The following CHD2 variants were observed in gnomAD, a reference collection of about 807,000 sequenced individuals.
The protein encoded by CHD2 is ATP-dependent chromatin remodeler CHD2.
Under a neutral mutation model 243.9 loss-of-function variants are expected in CHD2, and 28 were observed. The ratio of observed to expected loss-of-function variants is 0.11; its 90% CI spans 0.09 to 0.16. The LOEUF (loss-of-function observed/expected upper bound fraction) is 0.16, where lower values mean the gene tolerates loss of function less well. Among genes scored for constraint, CHD2 ranks in the 10% least tolerant of loss-of-function variants. CHD2 has a pLI of 1.00. For synonymous variants in CHD2, 775 were observed against 779.0 expected (o/e 0.99, Z 0.09); for missense variants, 1,386 against 2,209.8 (o/e 0.63, Z 7.47).
chr15:92,931,701 A>G (rs531762893), intron 5 of CHD2, among the ~76,000 whole-genome samples: 3 of 152,168 alleles, frequency 2.0e-5, no homozygotes, highest in Admixed American at 6.5e-5. Flanking sequence ...ATATACAAAC[A>G]TAATGTTTTT....
intron 7 of CHD2, among the ~76,000 whole-genome samples, chr15:92,941,008 AT>A (rs72276944): frequency 7.0e-4 from 92 of 130,618 alleles, no homozygotes; most frequent in Admixed American, 1.1e-3. Context: ...TATATATATA[AT>A]TTTTTTTTTT....
intron 5 of CHD2, among the ~76,000 whole-genome samples, chr15:92,933,519 C>CT (rs1020129619): frequency 8.5e-5 from 13 of 152,126 alleles, no homozygotes; most frequent in South Asian, 4.1e-4. Context: ...TGATTAAACT[C>CT]TTTTTTTCAT....
intron 33 of CHD2, 24 bp downstream of exon 33, chr15:93,002,341 C>T: frequency 6.3e-7 from 1 of 1,581,894 alleles, no homozygotes; most frequent in Non-Finnish European, 8.5e-7. Context: ...TCTGTTCATG[C>T]AGATATCCAC....
intron 16 of CHD2, among the ~76,000 whole-genome samples, chr15:92,966,960 C>G (rs901013174): frequency 6.6e-6 from 1 of 151,368 alleles, no homozygotes; most frequent in African/African-American, 2.4e-5. Context: ...ATGACGGTGA[C>G]TTTCTTGAGG....
At position 92,972,712 on chromosome 15, in the gene CHD2, G is replaced by A. The variant is rs555014496; in HGVS notation, c.2505+295G>A. On this transcript the variant is annotated intron_variant, in intron 19 of 38. Coordinates refer to ENST00000394196, the MANE Select transcript of CHD2 (RefSeq NM_001271.4). ...TAAAAATACAAAAAATTAGCCGGGC[G>A]TAGTGGCGGGCGCCTGTAGTCCCAG... 1.6e-3 allele frequency among the ~76,000 whole-genome samples: 78 copies of A among 49,414 alleles called. 32 individuals are homozygous for A. The highest frequency in any genetic ancestry group is 8.7e-3 in the South Asian group (5 of 574). 32.4% of individuals were successfully genotyped at this position (49,414 alleles called of 152,430 possible).
chr15:93,014,965 A>G, intron 37 of CHD2, 56 bp downstream of exon 37: 5 of 1,431,356 alleles, frequency 3.5e-6, no homozygotes, highest in Non-Finnish European at 4.9e-6. Context: ...AAATTCACAC[A>G]GCCGTTTCAT....
Position 92,935,932 on chromosome 15 carries a change from A to AT in CHD2, c.444-1573dup, listed in dbSNP as rs879463429. ...AGACTAATTGCGCATTCTTTCATTG[A>AT]TTTTTTTTTTTTTAACCTAACAAAG... On this transcript the variant is annotated intron_variant, in intron 5 of 38. Transcript: ENST00000394196. Among the ~76,000 whole-genome samples the AT allele has an allele frequency of 4.5e-3, 654 of 145,804 alleles. 2 individuals are homozygous for AT. The highest frequency in any genetic ancestry group is 0.021 in the East Asian group (103 of 5,020).
intron 2 of CHD2, among the ~76,000 whole-genome samples, chr15:92,915,744 C>T (rs182300100): frequency 2.6e-5 from 4 of 152,230 alleles, no homozygotes; most frequent in East Asian, 1.9e-4. Flanking sequence ...AAATAAATCT[C>T]GGTATCTCCA....
At chr15:92,968,107 G>C (rs1017979279) in intron 17 of CHD2, among the ~76,000 whole-genome samples, 2 of 136,530 alleles carry the variant, frequency 1.5e-5, no homozygotes, top group African/African-American at 2.5e-5. Context: ...TGTCTCTTAA[G>C]TATATTTTAA....
rs375612058 is a variant in CHD2, at chr15:93,014,723, G to T, written c.4720G>T (p.Gly1574Trp). ...GCAAAAGAAGAAAGACGACGTGACT[G>T]GGGGTAAGAAACCATTTCGTCCAGA... Reference protein sequence around the residue: ...EEQKKKDDVTGGKKPFRPEAS... With the variant: ...EEQKKKDDVTWGKKPFRPEAS... Residue 1574 changes from glycine to tryptophan, a missense_variant, in exon 37 of 39, where the codon GGG becomes TGG. Around this residue, in one of 19 missense-constraint regions of CHD2, gnomAD observed 347 missense variants for 341.6 expected, o/e 1.02. Coordinates refer to ENST00000394196, the MANE Select transcript of CHD2 (RefSeq NM_001271.4). 5.6e-6 allele frequency: 9 copies of T among 1,614,146 alleles called. No homozygotes were observed. Among genetic ancestry groups the T allele is most frequent in the South Asian group, 2.2e-5 (2 of 91,072 alleles).
chr15:93,008,614 CTTGTCTTTGTG>C (rs1157066821), intron 34 of CHD2, among the ~76,000 whole-genome samples: 1 of 152,108 alleles, frequency 6.6e-6, no homozygotes, highest in African/African-American at 2.4e-5. Flanking sequence ...CTTGTTTTCT[CTTGTCTTTGTG>C]GGCTTGTCTC....
In CHD2 at chr15:92,943,093, G is replaced by A. The variant is rs765287157; in HGVS notation, c.1052+25G>A. The A allele has an allele frequency of 2.6e-6, 4 of 1,562,098 alleles. No individual in the cohort carries two copies. The East Asian group carries it at 9.0e-5, about 35-fold the overall frequency. Reference sequence around the variant, plus strand: ...GGTATATTTTCCATCATGGATTAAAGAAATGTATTTGCAGCCTGAAAGAAG... The same window carrying A: ...GGTATATTTTCCATCATGGATTAAAAAAATGTATTTGCAGCCTGAAAGAAG... On this transcript the variant is annotated intron_variant, in intron 9 of 38. Transcript: ENST00000394196.
chr15:92,902,632 T>TCTC (rs1304223079), intron 2 of CHD2: 1 of 152,916 alleles, frequency 6.5e-6, no homozygotes, highest in Non-Finnish European at 1.5e-5. Context: ...TGTAGTGCTG[T>TCTC]CTTAATTGAA....
chr15:92,967,247 T>G, intron 16 of CHD2, 78 bp from the exon 17 acceptor site: 1 of 1,035,270 alleles, frequency 9.7e-7, no homozygotes, highest in Non-Finnish European at 1.4e-6. Context: ...ATGGGAAAGA[T>G]TCATTTTTTT....
intron 16 of CHD2, among the ~76,000 whole-genome samples, chr15:92,960,716 T>G (rs1452583679): frequency 1.4e-5 from 2 of 142,204 alleles, no homozygotes; most frequent in South Asian, 2.3e-4. Context: ...TTTTTTTTTT[T>G]TTTTTTTTTT....
chr15:92,971,651 T>C, intron 17 of CHD2, 114 bp from the exon 18 acceptor site: 1 of 833,768 alleles, frequency 1.2e-6, no homozygotes, highest in Non-Finnish European at 1.7e-6. Flanking sequence ...TTCTTAAACT[T>C]TTTTAGGCCT....
intron 20 of CHD2, among the ~76,000 whole-genome samples, chr15:92,975,666 CTT>C (rs931379088): frequency 2.8e-5 from 4 of 143,168 alleles, no homozygotes; most frequent in Admixed American, 7.0e-5. Context: ...TGAGCCACTA[CTT>C]TTTTTTTTTT....
rs1596395463 is a variant in CHD2, at chr15:92,942,016, G to A, written c.826+61G>A. 4.0e-6 allele frequency: 6 copies of A among 1,495,018 alleles called. No individual in the cohort carries two copies. The East Asian group carries it at 1.4e-4, about 34-fold the overall frequency. 92.6% of individuals were successfully genotyped at this position (1,495,018 alleles called of 1,614,324 possible). ...ATGCTTAGTAAGACTTAGATTTTAG[G>A]TATTTTAACTCTAATGTGATGAATT... On this transcript the variant is annotated intron_variant, in intron 8 of 38. Coordinates refer to ENST00000394196, the MANE Select transcript of CHD2 (RefSeq NM_001271.4).
intron 26 of CHD2, among the ~76,000 whole-genome samples, chr15:92,985,983 A>C (rs1301294733): frequency 1.3e-5 from 2 of 152,214 alleles, no homozygotes; most frequent in African/African-American, 4.8e-5. Flanking sequence ...AGACTTATGT[A>C]TCTGTATATA....
Sources: allele counts gnomAD v4.1 joint callset (sites outside exome capture counted in the v4.1 genomes callset), GRCh38; gene constraint gnomAD v4.1.1; regional missense constraint gnomAD v4.1.1; transcripts MANE v1.5; gene names NCBI Gene and HGNC (gene_info 2026-07-23, HGNC 2026-07-21).